ZNF536: variants seen among roughly 807,000 people sequenced by gnomAD.
The protein encoded by ZNF536 is zinc finger protein 536.
ZNF536 carries 13 observed loss-of-function variants against 84.5 expected under a neutral mutation model. That is an observed-to-expected ratio of 0.15 (90% CI 0.10 to 0.24). ZNF536 has a LOEUF of 0.24. Among genes scored for constraint, ZNF536 ranks in the 10% least tolerant of loss-of-function variants. ZNF536 has a pLI of 1.00. For missense variants in ZNF536, 1,536 were observed against 1,747.5 expected, an observed-to-expected ratio of 0.88 and a Z score of 2.16; for synonymous variants, 811 against 742.5, an observed-to-expected ratio of 1.09 and a Z score of -1.50.
chr19:30,557,198 C>G lies in ZNF536; in HGVS notation c.*34C>G, dbSNP rs765654866. ...GTCCTAGTCGGTCTATCTGGACTTG[C>G]CCTTGTCTGTTCGTGGTCCTCGGTG... On this transcript the variant is annotated 3_prime_UTR_variant, in exon 5 of 5. Coordinates refer to ENST00000355537, the MANE Select transcript of ZNF536 (RefSeq NM_014717.3). 1 of 1,612,592 alleles carries G rather than the reference C, an allele frequency of 6.2e-7. No individual in the cohort carries two copies. The highest frequency in any genetic ancestry group is 1.7e-5 in the Admixed American group (1 of 59,886).
At chr19:30,391,786 C>G (rs1244130357) in intron 1 of ZNF536, among the ~76,000 whole-genome samples, 1 of 152,280 alleles carries the variant, frequency 6.6e-6, no homozygotes, top group East Asian at 1.9e-4. Flanking sequence ...TTCCACTAAA[C>G]TTTCCCTTGT....
chr19:30,418,135 A>G (rs749892516), intron 1 of ZNF536, among the ~76,000 whole-genome samples: 3 of 151,708 alleles, frequency 2.0e-5, no homozygotes, highest in Non-Finnish European at 4.4e-5. Context: ...CGAATACCCA[A>G]TTTTGCTGGA....
chr19:30,478,154 T>C (rs1599514734), intron 2 of ZNF536, among the ~76,000 whole-genome samples: 2 of 126,598 alleles, frequency 1.6e-5, no homozygotes, highest in Admixed American at 1.7e-4. Flanking sequence ...TAATCCTTGG[T>C]GTTTTTTTTT....
chr19:30,457,920 C>T (rs1043500153), intron 2 of ZNF536, among the ~76,000 whole-genome samples: 5 of 152,186 alleles, frequency 3.3e-5, no homozygotes, highest in East Asian at 3.9e-4. Flanking sequence ...TGCAGGCACT[C>T]GTGGATACGG....
chr19:30,396,977 C>G lies in ZNF536; in HGVS notation c.-3+24421C>G, dbSNP rs149152129. ...ACCTCCACCTTCCTGCAAACCTCTT[C>G]TTACACTCCAGCTTTTTGCTAGAGC... On this transcript the variant is annotated intron_variant, in intron 1 of 4. Coordinates refer to ENST00000355537, the MANE Select transcript of ZNF536 (RefSeq NM_014717.3). 6.8e-3 allele frequency among the ~76,000 whole-genome samples: 1,029 copies of G among 152,318 alleles called. 15 individuals carry two copies. The highest frequency in any genetic ancestry group is 0.024 in the African/African-American group (983 of 41,582).
intron 1 of ZNF536, among the ~76,000 whole-genome samples, chr19:30,281,216 C>G (rs765157078): frequency 2.6e-5 from 4 of 152,194 alleles, no homozygotes; most frequent in Non-Finnish European, 5.9e-5. Flanking sequence ...TAGGAAGTCT[C>G]CCTTTCTCCC....
intron 1 of ZNF536, among the ~76,000 whole-genome samples, chr19:30,233,218 G>T (rs1214439876): frequency 2.6e-5 from 4 of 152,236 alleles, no homozygotes; most frequent in Non-Finnish European, 5.9e-5. Flanking sequence ...CGGGGGTTGG[G>T]GCGGGGGGAG....
At chr19:30,404,615 G>T (rs2050190208) in intron 1 of ZNF536, among the ~76,000 whole-genome samples, 1 of 152,186 alleles carries the variant, frequency 6.6e-6, no homozygotes, top group Non-Finnish European at 1.5e-5. Flanking sequence ...GAAGTACCAC[G>T]TTAGTTACCA....
chr19:30,602,174 G>A (rs560410760), intron 1 of ZNF536, among the ~76,000 whole-genome samples: 4 of 152,360 alleles, frequency 2.6e-5, no homozygotes, highest in Admixed American at 2.6e-4. Flanking sequence ...GAATAGGAAG[G>A]CAGGTGGATA....
At chr19:30,246,309 AC>A (rs1186778182) in intron 1 of ZNF536, among the ~76,000 whole-genome samples, 1 of 152,228 alleles carries the variant, frequency 6.6e-6, no homozygotes, top group East Asian at 1.9e-4. Context: ...CCACAAGTCA[AC>A]AACAAACGAG....
At chr19:30,226,559 A>G (rs2144558698), upstream of ZNF536, among the ~76,000 whole-genome samples, 1 of 152,134 alleles carries the variant, frequency 6.6e-6, no homozygotes, top group East Asian at 1.9e-4. This position sits in a 1 kb window ranked among gnomAD's most constrained non-coding sequence, Gnocchi z 4.6. Flanking sequence ...CTGAGGTGCC[A>G]GGGTCCGAAC....
chr19:30,297,906 C>G, intron 2 of ZNF536, among the ~76,000 whole-genome samples: 1 of 149,432 alleles, frequency 6.7e-6, no homozygotes, highest in African/African-American at 2.5e-5. Context: ...GACGGAGTCC[C>G]CCCCCCCTCT....
intron 2 of ZNF536, among the ~76,000 whole-genome samples, chr19:30,506,619 G>C (rs575543785): frequency 1.3e-5 from 2 of 152,312 alleles, no homozygotes; most frequent in East Asian, 1.9e-4. Flanking sequence ...TGCACAAAGC[G>C]GGCAGGTTGT....
chr19:30,287,074 G>A (rs1322010452), intron 2 of ZNF536, among the ~76,000 whole-genome samples: 2 of 152,232 alleles, frequency 1.3e-5, no homozygotes, highest in Non-Finnish European at 1.5e-5. Flanking sequence ...CTACTGCGAC[G>A]TAAGAGTGGT....
At position 30,261,247 on chromosome 19, in the gene ZNF536, G is replaced by A. The variant is rs373585681; in HGVS notation, c.-189-22825G>A. On this transcript the variant is annotated intron_variant, in intron 1 of 5. Transcript: ENST00000585628. Reference sequence around the variant, plus strand: ...CGGGAGGCGGAGCTTGCAGTGAGCCGAGATCCCGCCACTGCACTCCAGCCT... The same window carrying A: ...CGGGAGGCGGAGCTTGCAGTGAGCCAAGATCCCGCCACTGCACTCCAGCCT... Among the ~76,000 whole-genome samples the A allele has an allele frequency of 6.5e-5, 8 of 122,332 alleles. No homozygotes were observed. The South Asian group carries it at 8.2e-4, about 13-fold the overall frequency. The allele number at this position is 122,332 out of a possible 152,430, so 80.3% of individuals were successfully genotyped here.
chr19:30,400,096 G>C (rs979670816), intron 1 of ZNF536, among the ~76,000 whole-genome samples: 1 of 151,870 alleles, frequency 6.6e-6, no homozygotes, highest in Non-Finnish European at 1.5e-5. Context: ...TCATGGCATA[G>C]ATGTACCACA....
intron 1 of ZNF536, among the ~76,000 whole-genome samples, chr19:30,586,746 T>C (rs1365335085): frequency 6.6e-6 from 1 of 152,170 alleles, no homozygotes; most frequent in East Asian, 1.9e-4. Context: ...GTACCATGAG[T>C]ATTGCATAGT....
chr19:30,707,088 C>T (rs1221395330), intron 1 of ZNF536, among the ~76,000 whole-genome samples: 2 of 152,088 alleles, frequency 1.3e-5, no homozygotes, highest in Admixed American at 6.5e-5. Context: ...TAGCTTCGGG[C>T]CCACAGGGAT....
chr19:30,378,738 A>G (rs1243641113), intron 1 of ZNF536, among the ~76,000 whole-genome samples: 2 of 152,242 alleles, frequency 1.3e-5, no homozygotes, highest in Non-Finnish European at 2.9e-5. Flanking sequence ...GACAGGAACA[A>G]AAACTGGTGA....
Sources: allele counts gnomAD v4.1 joint callset (sites outside exome capture counted in the v4.1 genomes callset), GRCh38; gene constraint gnomAD v4.1.1; non-coding constraint Gnocchi (gnomAD v3.1); transcripts MANE v1.5; gene names NCBI Gene and HGNC (gene_info 2026-07-23, HGNC 2026-07-21).